The following STAU1 variants were observed in gnomAD, a reference collection of about 807,000 sequenced individuals.
STAU1 encodes staufen double-stranded RNA binding protein 1, also known as double-stranded RNA-binding protein Staufen homolog 1.
In STAU1, 13 loss-of-function variants were observed where a neutral mutation model predicts 62.9. The ratio of observed to expected loss-of-function variants is 0.21; its 90% CI spans 0.13 to 0.33. The LOEUF is 0.33. Ranked by LOEUF, STAU1 falls within the 10% of genes least tolerant of loss-of-function variation. STAU1 has a pLI of 1.00. For missense variants in STAU1, 571 were observed against 712.1 expected (o/e 0.80, Z 2.25); for synonymous variants, 269 against 265.1 (o/e 1.01, Z -0.14).
At chr20:49,154,400 C>T (rs1457974172) in intron 3 of STAU1, among the ~76,000 whole-genome samples, 1 of 152,154 alleles carries the variant, frequency 6.6e-6, no homozygotes, top group Non-Finnish European at 1.5e-5. Flanking sequence ...TAAAAAATCC[C>T]ATGTAAATGT....
At chr20:49,184,601 T>C (rs754256901) in intron 1 of STAU1, among the ~76,000 whole-genome samples, 6 of 152,186 alleles carry the variant, frequency 3.9e-5, no homozygotes, top group Non-Finnish European at 5.9e-5. Flanking sequence ...TGTATATACA[T>C]GGACTTTCTG....
chr20:49,196,380 T>C, the STAU1 span, among the ~76,000 whole-genome samples: 1 of 139,806 alleles, frequency 7.2e-6, no homozygotes, highest in East Asian at 2.1e-4. Flanking sequence ...GAGCCTGCAG[T>C]GAACTGAGAT....
At chr20:49,161,627 C>CT (rs959699747) in intron 3 of STAU1, among the ~76,000 whole-genome samples, 2 of 152,186 alleles carry the variant, frequency 1.3e-5, no homozygotes, top group Non-Finnish European at 2.9e-5. Flanking sequence ...CTGAAACAAA[C>CT]TAACTCATTC....
At chr20:49,200,788 A>T in the STAU1 span, among the ~76,000 whole-genome samples, 2 of 151,880 alleles carry the variant, frequency 1.3e-5, no homozygotes, top group South Asian at 4.2e-4. Flanking sequence ...GTGCAGTGGC[A>T]CTTTGGGAAG....
intron 3 of STAU1, among the ~76,000 whole-genome samples, chr20:49,157,746 G>C (rs1392453247): frequency 1.3e-5 from 2 of 151,952 alleles, no homozygotes; most frequent in Non-Finnish European, 2.9e-5. Flanking sequence ...TCAAAGTGCT[G>C]GGATTACAGG....
chr20:49,119,877 G>T (rs1406403197), intron 9 of STAU1, 105 bp downstream of exon 9: 2 of 1,371,286 alleles, frequency 1.5e-6, no homozygotes, highest in Non-Finnish European at 2.0e-6. Flanking sequence ...TCCTTGAACT[G>T]TCAGGCAGAT....
chr20:49,214,529 A>AAC, the STAU1 span, among the ~76,000 whole-genome samples: 32,739 of 149,410 alleles, frequency 0.22, 4,035 homozygotes, highest in East Asian at 0.35. Context: ...AAAAAAAAAA[A>AAC]AAAACAATAA....
chr20:49,205,468 A>G, the STAU1 span, among the ~76,000 whole-genome samples: 1 of 147,360 alleles, frequency 6.8e-6, no homozygotes, highest in Admixed American at 6.9e-5. Context: ...CGGGTTCAAG[A>G]GATTCTCCTG....
chr20:49,124,720 G>A (rs556240981), intron 6 of STAU1, 133 bp from the exon 7 acceptor site: 26 of 871,468 alleles, frequency 3.0e-5, no homozygotes, highest in African/African-American at 1.0e-4. Context: ...GAAAGGAAGC[G>A]GGGATCATTT....
At chr20:49,165,821 T>C (rs113541202) in intron 3 of STAU1, among the ~76,000 whole-genome samples, 176 bp downstream of exon 3, 1 of 58,022 alleles carries the variant, frequency 1.7e-5, no homozygotes, top group Non-Finnish European at 4.2e-5. Context: ...CTGAGGCCCC[T>C]GTCAACCCCT....
chr20:49,114,929 G>T, intron 13 of STAU1, 36 bp from the exon 14 acceptor site: 1 of 1,605,936 alleles, frequency 6.2e-7, no homozygotes. Context: ...CACTAGTTTT[G>T]AAATGTAAGA....
At chr20:49,201,989 G>GCT in the STAU1 span, among the ~76,000 whole-genome samples, 1 of 152,100 alleles carries the variant, frequency 6.6e-6, no homozygotes, top group East Asian at 1.9e-4. Context: ...GGGAGGCCGA[G>GCT]GCAGGCAGAT....
At chr20:49,150,686 C>T (rs1220385528) in intron 5 of STAU1, among the ~76,000 whole-genome samples, 2 of 151,870 alleles carry the variant, frequency 1.3e-5, no homozygotes, top group Non-Finnish European at 2.9e-5. Flanking sequence ...TTCTAAGTGA[C>T]ATTCTATATC....
At chr20:49,152,444 A>G (rs958771067) in intron 4 of STAU1, among the ~76,000 whole-genome samples, 3 of 147,638 alleles carry the variant, frequency 2.0e-5, no homozygotes, top group Admixed American at 1.4e-4. Flanking sequence ...CCTGGGTTCA[A>G]GCGATTCTCC....
At chr20:49,185,967 G>A (rs2093781528) in intron 1 of STAU1, among the ~76,000 whole-genome samples, 1 of 151,784 alleles carries the variant, frequency 6.6e-6, no homozygotes, top group Non-Finnish European at 1.5e-5. Context: ...TCAGCCTCGG[G>A]AGTAGCTGGG....
At chr20:49,143,419 C>T (rs1222955465) in intron 5 of STAU1, among the ~76,000 whole-genome samples, 2 of 152,020 alleles carry the variant, frequency 1.3e-5, no homozygotes, top group Admixed American at 6.6e-5. Context: ...TGGCAAAACC[C>T]GCATCTCTAC....
intron 8 of STAU1, among the ~76,000 whole-genome samples, chr20:49,122,096 C>G (rs773825611): frequency 2.6e-5 from 4 of 152,172 alleles, no homozygotes; most frequent in African/African-American, 7.2e-5. Flanking sequence ...GGTCAACTTT[C>G]TAAGTTATAA....
rs1196057889 is a variant in STAU1, at chr20:49,115,810, G to C, written c.1690C>G (p.Pro564Ala). 2 of 1,613,888 alleles carry C rather than the reference G, an allele frequency of 1.2e-6. No homozygotes were observed. Among genetic ancestry groups the C allele is most frequent in the Non-Finnish European group, 1.7e-6 (2 of 1,179,980 alleles). The change falls in exon 13 of 14, where the codon CCA (proline) becomes GCA (alanine). Residue 564 changes from proline to alanine, a missense_variant. This residue lies in a region of STAU1 where 156 missense variants were observed against 194.7 expected (regional missense o/e 0.80). Transcript: ENST00000371856. ...GACATTGGTCCGTTTCCTGTTCTTG[G>C]CATCTCTGTACTTTGTTGGTCCAAC... ...SELDQQSTEMPRTGNGPMSVC... is the reference protein window; with the variant it reads ...SELDQQSTEMARTGNGPMSVC...
the STAU1 span, among the ~76,000 whole-genome samples, chr20:49,198,702 G>A: frequency 4.6e-5 from 7 of 151,892 alleles, no homozygotes; most frequent in Non-Finnish European, 8.8e-5. Context: ...TGTGGCTCCC[G>A]CCTGTAATTT....
Sources: gnomAD v4.1 joint callset for allele counts (sites outside exome capture counted in the v4.1 genomes callset) on GRCh38, gnomAD v4.1.1 for gene constraint, gnomAD v4.1.1 regional missense constraint, MANE v1.5 for transcripts, NCBI Gene and HGNC (gene_info 2026-07-23, HGNC 2026-07-21) for gene names.